FAAH2: variants seen among roughly 807,000 people sequenced by gnomAD.
FAAH2 encodes the protein fatty acid amide hydrolase 2, also known as fatty-acid amide hydrolase 2.
A neutral mutation model predicts 36.9 loss-of-function variants in FAAH2; 60 were observed. That is an observed-to-expected ratio of 1.63 (90% CI 1.32 to 2.02). FAAH2 has a LOEUF of 2.02. Ranked by LOEUF, FAAH2 falls within the 30% of genes most tolerant of loss-of-function variation. The pLI is 0.00. For missense variants in FAAH2, 689 were observed against 397.5 expected (o/e 1.73, Z -6.23); for synonymous variants, 214 against 143.8 (o/e 1.49, Z -3.49).
At chrX:57,462,165 CAAAAAAA>C (rs34690622) in intron 10 of FAAH2, among the ~76,000 whole-genome samples, 1 of 51,863 alleles carries the variant, frequency 1.9e-5, no homozygotes, top group Non-Finnish European at 3.5e-5. Flanking sequence ...TAATAGCCTA[CAAAAAAA>C]AAAAAAAAAA....
At chrX:57,274,432 AC>A in the FAAH2 span, among the ~76,000 whole-genome samples, 1 of 112,005 alleles carries the variant, frequency 8.9e-6, no homozygotes, top group Admixed American at 9.5e-5. Context: ...TGATATCAAA[AC>A]CTGGCAGAGA....
chrX:57,270,378 T>A, the FAAH2 span, among the ~76,000 whole-genome samples: 1 of 111,995 alleles, frequency 8.9e-6, no homozygotes, highest in East Asian at 2.8e-4. Flanking sequence ...GAGGTCAGCA[T>A]CATCCTGATA....
At chrX:57,411,836 G>A (rs1035703179) in intron 7 of FAAH2, among the ~76,000 whole-genome samples, 2 of 111,683 alleles carry the variant, frequency 1.8e-5, no homozygotes, top group Non-Finnish European at 1.9e-5. Flanking sequence ...ATTTACTCTT[G>A]GAGTTTTTTG....
At chrX:57,389,219 G>A (rs891064582) in intron 7 of FAAH2, among the ~76,000 whole-genome samples, 4 of 98,695 alleles carry the variant, frequency 4.1e-5, no homozygotes, top group Non-Finnish European at 6.2e-5. Context: ...CTGCTTCTCT[G>A]GAGTACCCTA....
chrX:57,182,294 T>G, the FAAH2 span, among the ~76,000 whole-genome samples: 2 of 111,726 alleles, frequency 1.8e-5, no homozygotes, highest in African/African-American at 6.5e-5. Flanking sequence ...AACAGACAAT[T>G]TATAGAATAT....
intron 7 of FAAH2, among the ~76,000 whole-genome samples, chrX:57,408,877 T>A: frequency 8.9e-6 from 1 of 111,897 alleles, no homozygotes; most frequent in East Asian, 2.8e-4. Context: ...GTTTATTGAT[T>A]TTCATATACA....
At chrX:57,219,592 C>T in the FAAH2 span, among the ~76,000 whole-genome samples, 1 of 112,390 alleles carries the variant, frequency 8.9e-6, no homozygotes, top group African/African-American at 3.2e-5. Flanking sequence ...ATGTGCCAGG[C>T]ACCCGATAAT....
At chrX:57,213,787 G>A in the FAAH2 span, among the ~76,000 whole-genome samples, 3,447 of 111,548 alleles carry the variant, frequency 0.031, 119 homozygotes, top group African/African-American at 0.11. Flanking sequence ...CTGGTAATAA[G>A]AATGTATATT....
chrX:57,362,272 T>A (rs951305188), intron 5 of FAAH2, among the ~76,000 whole-genome samples: 1 of 110,633 alleles, frequency 9.0e-6, no homozygotes, highest in African/African-American at 3.3e-5. Flanking sequence ...AAACACCACA[T>A]GTTCTCACTC....
At chrX:57,485,315 G>A (rs1203334400) in intron 10 of FAAH2, among the ~76,000 whole-genome samples, 2 of 111,418 alleles carry the variant, frequency 1.8e-5, no homozygotes, top group East Asian at 2.8e-4. Context: ...AGCAATCTGT[G>A]GGATTTGGGC....
Position 57,392,908 on chromosome X carries a change from G to T in FAAH2, c.996+11879G>T, listed in dbSNP as rs544181619. ...TGCTTTGTGTAGACTTCAGCTTTGT[G>T]TTGAGCTTTGAGGAGTAATTCAATG... On this transcript the variant is annotated intron_variant, in intron 7 of 10. Coordinates refer to ENST00000374900, the MANE Select transcript of FAAH2 (RefSeq NM_174912.4). 4 of 854,037 alleles carry T rather than the reference G, an allele frequency of 4.7e-6. No individual in the cohort carries two copies. The South Asian group carries it at 6.0e-5, about 13-fold the overall frequency. The allele number at this position is 854,037 out of a possible 1,213,427, so 70.4% of individuals were successfully genotyped here.
intron 3 of FAAH2, among the ~76,000 whole-genome samples, chrX:57,313,203 A>AAATT (rs2052743504): frequency 9.0e-6 from 1 of 111,640 alleles, no homozygotes; most frequent in Non-Finnish European, 1.9e-5. Context: ...AAGAAAAAAG[A>AAATT]AATTAGAAAA....
intron 5 of FAAH2, among the ~76,000 whole-genome samples, chrX:57,375,353 C>CTT (rs202228022): frequency 0.031 from 2,001 of 65,153 alleles, 147 homozygotes; most frequent in African/African-American, 0.11. Flanking sequence ...TGGTACTGCA[C>CTT]TTTTTTTTTT....
intron 7 of FAAH2, among the ~76,000 whole-genome samples, chrX:57,421,087 A>T (rs964195872): frequency 8.9e-6 from 1 of 112,012 alleles, no homozygotes; most frequent in Non-Finnish European, 1.9e-5. Flanking sequence ...CATTCTATTC[A>T]TTACCTTCAT....
intron 5 of FAAH2, among the ~76,000 whole-genome samples, chrX:57,343,079 TA>T (rs1377842778): frequency 1.8e-5 from 2 of 112,220 alleles, no homozygotes; most frequent in Non-Finnish European, 3.8e-5. Flanking sequence ...ACTGCTGTGA[TA>T]AACATATGAG....
rs1444684465 is a variant in FAAH2 at position 57,306,907 on chromosome X, G to C, written c.276-3686G>C. Reference sequence around the variant, plus strand: ...TATATACACCATATATACATATATAGTACTATATAGTATATATAGTGTGTA... The same window carrying C: ...TATATACACCATATATACATATATACTACTATATAGTATATATAGTGTGTA... On this transcript the variant is annotated intron_variant, in intron 2 of 10. Transcript: ENST00000374900. 4.0e-5 allele frequency among the ~76,000 whole-genome samples: 3 copies of C among 75,395 alleles called. 1 individual carries two copies. The highest frequency in any genetic ancestry group is 1.3e-4 in the African/African-American group (3 of 22,897). The allele number at this position is 75,395 out of a possible 115,157, so 65.5% of individuals were successfully genotyped here.
intron 7 of FAAH2, chrX:57,393,035 T>C: frequency 1.1e-6 from 1 of 893,997 alleles, no homozygotes; most frequent in Non-Finnish European, 1.7e-6. Flanking sequence ...CTTGTCCTGC[T>C]CTCTGGACAG....
chrX:57,246,284 T>C, the FAAH2 span, among the ~76,000 whole-genome samples: 1 of 111,752 alleles, frequency 8.9e-6, no homozygotes, highest in Non-Finnish European at 1.9e-5. Context: ...ACAGCCGAAT[T>C]CTACCACAGG....
At chrX:57,142,301 G>A in the FAAH2 span, among the ~76,000 whole-genome samples, 1 of 111,224 alleles carries the variant, frequency 9.0e-6, no homozygotes, top group Non-Finnish European at 1.9e-5. Flanking sequence ...GGTATGTTGT[G>A]CTTTCATTTT....
Sources: allele counts gnomAD v4.1 joint callset (sites outside exome capture counted in the v4.1 genomes callset), GRCh38; gene constraint gnomAD v4.1.1; transcripts MANE v1.5; gene names NCBI Gene and HGNC (gene_info 2026-07-23, HGNC 2026-07-21).